NKAIN2: variants seen among roughly 807,000 people sequenced by gnomAD.
NKAIN2 encodes the protein sodium/potassium-transporting ATPase subunit beta-1-interacting protein 2.
NKAIN2 carries 14 observed loss-of-function variants against 32.6 expected under a neutral mutation model. The observed-to-expected ratio is 0.43, with a 90% CI of 0.28 to 0.67. NKAIN2 has a LOEUF of 0.67. Ranked by LOEUF, NKAIN2 falls within the 30% of genes least tolerant of loss-of-function variation. NKAIN2 has a pLI of 0.17. For synonymous variants in NKAIN2, 80 were observed against 87.2 expected, an observed-to-expected ratio of 0.92 and a Z score of 0.46; for missense variants, 198 against 258.3, an observed-to-expected ratio of 0.77 and a Z score of 1.60.
intron 3 of NKAIN2, among the ~76,000 whole-genome samples, chr6:124,370,407 A>G (rs1799705287): frequency 6.6e-6 from 1 of 152,090 alleles, no homozygotes; most frequent in South Asian, 2.1e-4. Context: ...TAAAAAGAGG[A>G]GGATGACTCA....
intron 3 of NKAIN2, among the ~76,000 whole-genome samples, chr6:124,416,065 A>AT (rs1035306610): frequency 6.6e-6 from 1 of 151,610 alleles, no homozygotes; most frequent in Non-Finnish European, 1.5e-5. Flanking sequence ...ATAGACAACA[A>AT]TTTTTTCTAT....
chr6:124,285,287 T>A (rs559623118), intron 2 of NKAIN2, among the ~76,000 whole-genome samples: 31 of 152,286 alleles, frequency 2.0e-4, no homozygotes, highest in African/African-American at 7.5e-4. Flanking sequence ...AAATTCTGCT[T>A]GAAAATCTTT....
chr6:124,256,376 A>T (rs1389826465), intron 1 of NKAIN2, among the ~76,000 whole-genome samples: 1 of 152,202 alleles, frequency 6.6e-6, no homozygotes, highest in Admixed American at 6.5e-5. Flanking sequence ...TGAAAGGTAC[A>T]ATCTGATCAA....
intron 5 of NKAIN2, among the ~76,000 whole-genome samples, chr6:124,814,618 A>G (rs1781062209): frequency 6.6e-6 from 1 of 152,070 alleles, no homozygotes; most frequent in Non-Finnish European, 1.5e-5. Context: ...ATCATGGTTA[A>G]TAAGAGCAAG....
intron 1 of NKAIN2, among the ~76,000 whole-genome samples, chr6:124,064,789 C>A (rs1783088147): frequency 6.8e-6 from 1 of 148,038 alleles, no homozygotes; most frequent in African/African-American, 2.5e-5. Flanking sequence ...AAGAAAAATA[C>A]TCTTTTATCT....
At chr6:123,806,377 A>G (rs1437563042) in intron 1 of NKAIN2, among the ~76,000 whole-genome samples, 1 of 152,102 alleles carries the variant, frequency 6.6e-6, no homozygotes, top group Non-Finnish European at 1.5e-5. Context: ...CAGAACAAAA[A>G]ACAAAGGACA....
intron 1 of NKAIN2, among the ~76,000 whole-genome samples, chr6:124,195,791 A>AT (rs1267560040): frequency 3.3e-5 from 5 of 151,906 alleles, no homozygotes; most frequent in Non-Finnish European, 7.4e-5. Context: ...TTAAATGGCT[A>AT]TTTTTTTGTT....
chr6:124,109,909 T>A (rs1357365671), intron 1 of NKAIN2, among the ~76,000 whole-genome samples: 1 of 152,078 alleles, frequency 6.6e-6, no homozygotes, highest in Non-Finnish European at 1.5e-5. Context: ...CGTTAACTGA[T>A]TTGGGCATGT....
At chr6:124,293,045 TCA>T (rs1186921976) in intron 2 of NKAIN2, among the ~76,000 whole-genome samples, 2 of 152,142 alleles carry the variant, frequency 1.3e-5, no homozygotes, top group African/African-American at 2.4e-5. Context: ...AGCAAAAATC[TCA>T]GTCAACTTCC....
intron 4 of NKAIN2, among the ~76,000 whole-genome samples, chr6:124,764,156 A>C (rs1418553837): frequency 6.6e-6 from 1 of 152,228 alleles, no homozygotes; most frequent in Admixed American, 6.5e-5. Context: ...GTTCTTGAGC[A>C]GAGGTGAGAA....
intron 3 of NKAIN2, among the ~76,000 whole-genome samples, chr6:124,465,185 A>C (rs769100488): frequency 6.6e-6 from 1 of 152,152 alleles, no homozygotes; most frequent in Non-Finnish European, 1.5e-5. Flanking sequence ...ATGCACATGT[A>C]TGTTTATTGC....
Position 124,293,167 on chromosome 6 carries a change from T to G in NKAIN2, c.192+10025T>G, listed in dbSNP as rs73567838. Among the ~76,000 whole-genome samples, 589 of 152,240 alleles carry G rather than the reference T, an allele frequency of 3.9e-3. 4 individuals carry two copies. The highest frequency in any genetic ancestry group is 0.014 in the African/African-American group (573 of 41,578). On this transcript the variant is annotated intron_variant, in intron 2 of 6. Transcript: ENST00000368417. ...AGTAGTTTCCTTCAATTATTAAGAA[T>G]AGCTAATAATATTTTATTACATATC... is the stretch of plus-strand genomic sequence containing the variant.
At chr6:124,676,230 T>C (rs750174184) in intron 4 of NKAIN2, among the ~76,000 whole-genome samples, 1 of 152,156 alleles carries the variant, frequency 6.6e-6, no homozygotes, top group African/African-American at 2.4e-5. Flanking sequence ...TCATGACTTA[T>C]TTTGTGACCT....
chr6:123,964,180 T>A lies in NKAIN2; in HGVS notation c.54+159926T>A, dbSNP rs1777976430. ...TGAAGTAGAAATTACCTACATCAAT[T>A]TTGTTTTCTTTATTTATTTCAAGAC... On this transcript the variant is annotated intron_variant, in intron 1 of 6. Coordinates refer to ENST00000368417, the MANE Select transcript of NKAIN2 (RefSeq NM_001040214.3). This position sits in a 1 kb window ranked among gnomAD's most constrained non-coding sequence, Gnocchi z 4.0. 6.6e-6 allele frequency among the ~76,000 whole-genome samples: 1 copy of A among 152,134 alleles called. No individual in the cohort carries two copies.
At chr6:124,032,606 C>A (rs1022463600) in intron 1 of NKAIN2, among the ~76,000 whole-genome samples, 1 of 151,972 alleles carries the variant, frequency 6.6e-6, no homozygotes, top group Non-Finnish European at 1.5e-5. Flanking sequence ...TTGGACTATT[C>A]ATTAAGAGGT....
chr6:124,179,674 G>T (rs1220336121), intron 1 of NKAIN2, among the ~76,000 whole-genome samples: 1 of 152,194 alleles, frequency 6.6e-6, no homozygotes, highest in Non-Finnish European at 1.5e-5. Context: ...TTACCCATGG[G>T]TAGGCGCTGG....
chr6:123,882,223 A>G (rs1459854914), intron 1 of NKAIN2, among the ~76,000 whole-genome samples: 1 of 152,160 alleles, frequency 6.6e-6, no homozygotes. Context: ...ATATGTAGTC[A>G]TAACTTGGAT....
At chr6:124,570,636 C>G (rs1781091348) in intron 3 of NKAIN2, among the ~76,000 whole-genome samples, 1 of 152,236 alleles carries the variant, frequency 6.6e-6, no homozygotes, top group African/African-American at 2.4e-5. Flanking sequence ...GAACCTTCGC[C>G]TAGATTTCAG....
chr6:124,144,110 G>A (rs1369998377), intron 1 of NKAIN2, among the ~76,000 whole-genome samples: 1 of 152,118 alleles, frequency 6.6e-6, no homozygotes, highest in African/African-American at 2.4e-5. Context: ...TCCACAGATT[G>A]ATCTACAAAT....
Sources: gnomAD v4.1 joint callset for allele counts (sites outside exome capture counted in the v4.1 genomes callset) on GRCh38, gnomAD v4.1.1 for gene constraint, Gnocchi (gnomAD v3.1) non-coding constraint, MANE v1.5 for transcripts, NCBI Gene and HGNC (gene_info 2026-07-23, HGNC 2026-07-21) for gene names.